Variants in ANKS1B observed in about 807,000 individuals in gnomAD.
ANKS1B encodes ankyrin repeat and sterile alpha motif domain-containing protein 1B.
Under a neutral mutation model 148.3 loss-of-function variants are expected in ANKS1B, and 36 were observed. That is an observed-to-expected ratio of 0.24 (90% CI 0.19 to 0.32). The LOEUF is 0.32. Ranked by LOEUF, ANKS1B falls within the 10% of genes least tolerant of loss-of-function variation. The probability of loss-of-function intolerance (pLI) is 1.00; values close to 1 mark genes in which losing one functional copy is unlikely to be tolerated. For missense variants in ANKS1B, 1,157 were observed against 1,542.6 expected (o/e 0.75, Z 4.19); for synonymous variants, 542 against 560.8 (o/e 0.97, Z 0.47).
chr12:98,968,087 A>G (rs965505327), intron 17 of ANKS1B, among the ~76,000 whole-genome samples: 12 of 152,132 alleles, frequency 7.9e-5, no homozygotes, highest in African/African-American at 2.7e-4. Context: ...ACAACATTCC[A>G]CAAGGAGAGA....
intron 12 of ANKS1B, among the ~76,000 whole-genome samples, chr12:99,316,454 G>A (rs1265269411): frequency 6.6e-6 from 1 of 152,050 alleles, no homozygotes; most frequent in Non-Finnish European, 1.5e-5. Flanking sequence ...TGTCTGTTGG[G>A]GGCATAAATG....
chr12:99,693,205 TC>T, intron 8 of ANKS1B, among the ~76,000 whole-genome samples: 1 of 152,234 alleles, frequency 6.6e-6, no homozygotes, highest in African/African-American at 2.4e-5. Context: ...TCACACTTTA[TC>T]AAATAATGCT....
At chr12:98,805,765 T>C (rs1041417930) in intron 20 of ANKS1B, among the ~76,000 whole-genome samples, 21 of 152,186 alleles carry the variant, frequency 1.4e-4, no homozygotes, top group African/African-American at 4.8e-4. Context: ...CTAAAACAAA[T>C]TGTATCAGGT....
intron 1 of ANKS1B, among the ~76,000 whole-genome samples, chr12:99,943,400 T>A (rs991177462): frequency 1.3e-5 from 2 of 152,170 alleles, no homozygotes; most frequent in African/African-American, 2.4e-5. Context: ...TCCACTCTTC[T>A]GGCTTTAGCT....
chr12:99,677,390 T>C (rs994106957), intron 8 of ANKS1B, among the ~76,000 whole-genome samples: 3 of 152,154 alleles, frequency 2.0e-5, no homozygotes, highest in African/African-American at 7.2e-5. Context: ...TAGCAAATAA[T>C]ATAGCCTAAA....
chr12:98,845,071 C>T (rs544901773), intron 17 of ANKS1B, among the ~76,000 whole-genome samples: 17 of 152,118 alleles, frequency 1.1e-4, no homozygotes, highest in South Asian at 8.3e-4. Flanking sequence ...TTTAGTTAAA[C>T]GTAGGAAGGG....
chr12:99,054,102 T>A lies in ANKS1B; in HGVS notation c.2626-793A>T, dbSNP rs2099968005. On this transcript the variant is annotated intron_variant, in intron 16 of 26. Coordinates refer to ENST00000683438, the MANE Select transcript of ANKS1B (RefSeq NM_001352186.2). The stretch of plus-strand genomic sequence containing the variant: ...GTCCTTTAGCTTTTATTTGAAATTG[T>A]AGCTGAATCTGTGGTTCTTGGTTTT... Among the ~76,000 whole-genome samples, 5 of 152,216 alleles carry A rather than the reference T, an allele frequency of 3.3e-5. No homozygotes were observed. The South Asian group carries it at 1.0e-3, about 32-fold the overall frequency.
chr12:99,254,898 C>A (rs1040986166), intron 12 of ANKS1B, among the ~76,000 whole-genome samples: 12 of 152,116 alleles, frequency 7.9e-5, no homozygotes, highest in Admixed American at 7.9e-4. Context: ...TTTTTGGCAT[C>A]CTGCTAGATT....
At chr12:99,385,818 A>G (rs1329033000) in intron 12 of ANKS1B, among the ~76,000 whole-genome samples, 2 of 152,240 alleles carry the variant, frequency 1.3e-5, no homozygotes, top group East Asian at 3.8e-4. Flanking sequence ...TAAATAAAGT[A>G]AGTACTTTTT....
intron 19 of ANKS1B, among the ~76,000 whole-genome samples, chr12:98,811,073 G>C (rs146540414): frequency 3.3e-5 from 5 of 152,208 alleles, no homozygotes; most frequent in African/African-American, 1.2e-4. Flanking sequence ...TCTGGCAGCC[G>C]CACTGCTTTT....
At chr12:99,791,727 C>A (rs112438661) in intron 4 of ANKS1B, among the ~76,000 whole-genome samples, 1 of 151,636 alleles carries the variant, frequency 6.6e-6, no homozygotes, top group Non-Finnish European at 1.5e-5. Flanking sequence ...ACACAGCATA[C>A]CAAAACCTAT....
At chr12:99,692,463 G>A (rs560071737) in intron 8 of ANKS1B, among the ~76,000 whole-genome samples, 3 of 152,152 alleles carry the variant, frequency 2.0e-5, no homozygotes, top group Admixed American at 1.3e-4. Context: ...TTGAGGTCAG[G>A]AGTTCAAGAC....
At chr12:99,622,082 A>T (rs2098059664) in intron 9 of ANKS1B, among the ~76,000 whole-genome samples, 2 of 152,078 alleles carry the variant, frequency 1.3e-5, no homozygotes, top group African/African-American at 4.8e-5. Flanking sequence ...ACAAAAATAA[A>T]AATTATTATA....
intron 10 of ANKS1B, among the ~76,000 whole-genome samples, chr12:99,471,072 A>C (rs2096234343): frequency 6.6e-6 from 1 of 152,092 alleles, no homozygotes; most frequent in Admixed American, 6.6e-5. Flanking sequence ...TCATAAATCA[A>C]ATTGAACTGT....
Position 99,661,443 on chromosome 12 carries a change from G to A in ANKS1B, c.1129-6233C>T, listed in dbSNP as rs943198832. ...TTTCCCTGGCCTTCTCCCTGTACCCGTTTACAGAAGTAAATTCTCTTCTTT... is the reference window on the plus strand; with the variant it reads ...TTTCCCTGGCCTTCTCCCTGTACCCATTTACAGAAGTAAATTCTCTTCTTT... On this transcript the variant is annotated intron_variant, in intron 8 of 26. Transcript: ENST00000683438. Among the ~76,000 whole-genome samples the A allele has an allele frequency of 7.2e-5, 11 of 152,230 alleles. 1 individual carries two copies. In the South Asian group the frequency reaches 1.5e-3, roughly 20 times the overall value.
At chr12:99,780,490 G>T (rs1244364144) in intron 5 of ANKS1B, among the ~76,000 whole-genome samples, 2 of 151,572 alleles carry the variant, frequency 1.3e-5, no homozygotes, top group African/African-American at 4.9e-5. Flanking sequence ...CACTGTGTTA[G>T]CAAGGATGGT....
At chr12:99,433,655 T>C (rs1221763777) in intron 11 of ANKS1B, among the ~76,000 whole-genome samples, 1 of 152,104 alleles carries the variant, frequency 6.6e-6, no homozygotes, top group African/African-American at 2.4e-5. Flanking sequence ...GTTTAAGACA[T>C]CCCATTGAGA....
chr12:99,008,853 T>C (rs1337633273), intron 17 of ANKS1B, among the ~76,000 whole-genome samples: 5 of 152,032 alleles, frequency 3.3e-5, no homozygotes, highest in Non-Finnish European at 5.9e-5. Flanking sequence ...AAAGAGCTTG[T>C]GAAATGACCC....
intron 19 of ANKS1B, among the ~76,000 whole-genome samples, chr12:98,817,716 C>T (rs150115600): frequency 5.9e-5 from 9 of 152,344 alleles, no homozygotes; most frequent in Non-Finnish European, 2.9e-5. Context: ...GTTATGCATG[C>T]ACCCACTGAC....
Sources: gnomAD v4.1 joint callset for allele counts (sites outside exome capture counted in the v4.1 genomes callset) on GRCh38, gnomAD v4.1.1 for gene constraint, MANE v1.5 for transcripts, NCBI Gene and HGNC (gene_info 2026-07-23, HGNC 2026-07-21) for gene names.